Variants in BMPR1B observed in about 807,000 individuals in gnomAD.
BMPR1B encodes the protein bone morphogenetic protein receptor type 1B.
In BMPR1B, 12 loss-of-function variants were observed where a neutral mutation model predicts 59.1. That is an observed-to-expected ratio of 0.20 (90% CI 0.13 to 0.33). The LOEUF is 0.33. Ranked by LOEUF, BMPR1B falls within the 10% of genes least tolerant of loss-of-function variation. BMPR1B has a pLI of 1.00. For missense variants in BMPR1B, 550 were observed against 610.9 expected (o/e 0.90, Z 1.05); for synonymous variants, 237 against 207.3 (o/e 1.14, Z -1.23).
At chr4:94,853,705 A>G (rs2148949376) in intron 1 of BMPR1B, among the ~76,000 whole-genome samples, 1 of 152,284 alleles carries the variant, frequency 6.6e-6, no homozygotes, top group African/African-American at 2.4e-5. Context: ...ACATGCCGCC[A>G]TCAGACTTCA....
At chr4:95,037,142 T>C (rs1157090906) in intron 3 of BMPR1B, among the ~76,000 whole-genome samples, 3 of 152,106 alleles carry the variant, frequency 2.0e-5, no homozygotes, top group Non-Finnish European at 4.4e-5. Context: ...GTATCTGACT[T>C]TTTCAGCTTC....
intron 1 of BMPR1B, among the ~76,000 whole-genome samples, chr4:94,801,468 C>T (rs370964447): frequency 2.6e-5 from 4 of 152,320 alleles, no homozygotes; most frequent in African/African-American, 9.6e-5. Context: ...AGCCTGCCCT[C>T]CTCTATCTTC....
chr4:95,089,791 G>A (rs984763953), intron 3 of BMPR1B, among the ~76,000 whole-genome samples: 1 of 152,036 alleles, frequency 6.6e-6, no homozygotes, highest in South Asian at 2.1e-4. Flanking sequence ...TCAAAGCAAA[G>A]TAGATGGTGG....
At chr4:94,863,061 A>T (rs1318849546) in intron 1 of BMPR1B, among the ~76,000 whole-genome samples, 1 of 151,904 alleles carries the variant, frequency 6.6e-6, no homozygotes, top group Non-Finnish European at 1.5e-5. Flanking sequence ...GGTTGCAGTG[A>T]GCCGAGATCG....
At chr4:94,992,710 T>C (rs1044879368) in intron 2 of BMPR1B, among the ~76,000 whole-genome samples, 12 of 152,258 alleles carry the variant, frequency 7.9e-5, no homozygotes, top group Admixed American at 2.6e-4. Flanking sequence ...TCTGTGGGCT[T>C]TGTCAAATGC....
At chr4:94,982,304 TA>T (rs146497250) in intron 2 of BMPR1B, among the ~76,000 whole-genome samples, 2 of 151,126 alleles carry the variant, frequency 1.3e-5, no homozygotes, top group African/African-American at 4.9e-5. Flanking sequence ...TGCCTTTTTT[TA>T]AAAAAAAACA....
intron 11 of BMPR1B, among the ~76,000 whole-genome samples, chr4:95,150,647 T>G (rs1433524723): frequency 1.3e-5 from 2 of 152,138 alleles, no homozygotes; most frequent in Non-Finnish European, 2.9e-5. Flanking sequence ...ACAGGAGAAA[T>G]TATTCTCAGC....
chr4:95,087,794 A>T (rs1729697619), intron 3 of BMPR1B, among the ~76,000 whole-genome samples: 1 of 152,166 alleles, frequency 6.6e-6, no homozygotes, highest in Non-Finnish European at 1.5e-5. Context: ...TGTGTGTAGG[A>T]AAAGAAGTGA....
intron 3 of BMPR1B, among the ~76,000 whole-genome samples, chr4:95,009,331 G>A (rs1358760791): frequency 6.6e-6 from 1 of 152,106 alleles, no homozygotes; most frequent in Non-Finnish European, 1.5e-5. Flanking sequence ...TTTAATAGTA[G>A]TAGTATACAT....
At chr4:95,010,880 A>G (rs1389759903) in intron 3 of BMPR1B, among the ~76,000 whole-genome samples, 1 of 152,194 alleles carries the variant, frequency 6.6e-6, no homozygotes, top group Non-Finnish European at 1.5e-5. Flanking sequence ...GCATCGGACC[A>G]TGGATATCAG....
intron 3 of BMPR1B, among the ~76,000 whole-genome samples, chr4:95,072,076 C>G (rs1225072064): frequency 6.6e-6 from 1 of 151,944 alleles, no homozygotes; most frequent in Non-Finnish European, 1.5e-5. Context: ...CCAGCAAAGT[C>G]AAGACTTAAG....
At chr4:94,985,978 C>T (rs1208061954) in intron 2 of BMPR1B, among the ~76,000 whole-genome samples, 1 of 152,158 alleles carries the variant, frequency 6.6e-6, no homozygotes, top group Non-Finnish European at 1.5e-5. Context: ...AGTCCTTAGA[C>T]ATGTTTTTGA....
At chr4:95,099,667 A>G (rs1245508686) in intron 3 of BMPR1B, among the ~76,000 whole-genome samples, 1 of 152,114 alleles carries the variant, frequency 6.6e-6, no homozygotes. Context: ...AAAGAGATTT[A>G]TTTATTATTT....
chr4:94,835,802 A>G (rs927888135), intron 1 of BMPR1B, among the ~76,000 whole-genome samples: 3 of 151,996 alleles, frequency 2.0e-5, no homozygotes, highest in African/African-American at 7.2e-5. Context: ...GTACATGTGC[A>G]CATTGTGCAG....
intron 2 of BMPR1B, among the ~76,000 whole-genome samples, chr4:94,935,372 G>A (rs1263180523): frequency 6.6e-6 from 1 of 152,136 alleles, no homozygotes; most frequent in Non-Finnish European, 1.5e-5. Context: ...TGTGAACTTG[G>A]AAGCACTCAT....
intron 3 of BMPR1B, among the ~76,000 whole-genome samples, chr4:95,033,993 A>G (rs1266813556): frequency 6.6e-6 from 1 of 152,176 alleles, no homozygotes; most frequent in Admixed American, 6.6e-5. Context: ...GAATGTATCC[A>G]TCAGATCCAT....
chr4:94,994,526 A>T (rs191917296), intron 2 of BMPR1B, among the ~76,000 whole-genome samples: 3 of 152,234 alleles, frequency 2.0e-5, no homozygotes, highest in Non-Finnish European at 2.9e-5. Context: ...GTTTTTCTGG[A>T]ATTAGACCTG....
chr4:95,152,573 G>A (rs1735120453), intron 11 of BMPR1B, 70 bp from the exon 12 acceptor site: 1 of 1,380,966 alleles, frequency 7.2e-7, no homozygotes, highest in Admixed American at 2.2e-5. Flanking sequence ...TTTGAGAACT[G>A]TGTTAGACTT....
intron 2 of BMPR1B, among the ~76,000 whole-genome samples, chr4:94,959,541 A>T (rs923517559): frequency 1.3e-5 from 2 of 152,080 alleles, no homozygotes; most frequent in African/African-American, 4.8e-5. Flanking sequence ...AATATTTCTT[A>T]CTTCTCACAT....
Sources: allele counts gnomAD v4.1 joint callset (sites outside exome capture counted in the v4.1 genomes callset), GRCh38; gene constraint gnomAD v4.1.1; transcripts MANE v1.5; gene names NCBI Gene and HGNC (gene_info 2026-07-23, HGNC 2026-07-21).